The following KIF6 variants were observed in gnomAD, a reference collection of about 807,000 sequenced individuals.
KIF6 encodes kinesin-like protein KIF6.
KIF6 carries 106 observed loss-of-function variants against 112.7 expected under a neutral mutation model. That is an observed-to-expected ratio of 0.94 (90% CI 0.80 to 1.11). The LOEUF (loss-of-function observed/expected upper bound fraction) is 1.11, where lower values mean the gene tolerates loss of function less well. KIF6 is among the 50% of genes least tolerant of loss of function. The pLI is 0.00. For synonymous variants in KIF6, 339 were observed against 339.9 expected (o/e 1.00, Z 0.03); for missense variants, 929 against 964.0 (o/e 0.96, Z 0.48).
rs892516306 is a variant in KIF6, at chr6:39,415,566, T to C, written c.1810+4382A>G. On this transcript the variant is annotated intron_variant, in intron 15 of 22. Transcript: ENST00000287152. ...CTTGTAATTTGGAGCTGGCAACAAA[T>C]AGTAACAAAAGGATATACTTGATCC... 7.9e-5 allele frequency among the ~76,000 whole-genome samples: 12 copies of C among 152,192 alleles called. 1 individual carries two copies. The highest frequency in any genetic ancestry group is 6.3e-3 in the Middle Eastern group (2 of 316).
rs140473786 is a variant in KIF6 at position 39,388,436 on chromosome 6, G to T, written c.1811-2764C>A. Among the ~76,000 whole-genome samples the T allele has an allele frequency of 2.9e-3, 438 of 152,166 alleles. 2 individuals are homozygous for T. The highest frequency in any genetic ancestry group is 9.8e-3 in the African/African-American group (405 of 41,504). On this transcript the variant is annotated intron_variant, in intron 15 of 22. Coordinates refer to ENST00000287152, the MANE Select transcript of KIF6 (RefSeq NM_145027.6). The stretch of plus-strand genomic sequence containing the variant: ...AGGCACCACCAGGGAACAAAAGGTG[G>T]GTCTTTATAATGTTACATATTGATA...
At chr6:39,723,544 C>A (rs1256944631) in intron 1 of KIF6, among the ~76,000 whole-genome samples, 2 of 152,152 alleles carry the variant, frequency 1.3e-5, no homozygotes, top group African/African-American at 2.4e-5. Context: ...TATATATACA[C>A]CATGGAATAC....
chr6:39,544,633 G>C lies in KIF6; in HGVS notation c.1348C>G (p.Gln450Glu), dbSNP rs1323426233. ...NNTVSSESKD[Q>E]DCQEPLKEEE... The stretch of plus-strand genomic sequence containing the variant: ...TCTTTTAATGGTTCTTGACAATCTT[G>C]GTCTTTGCTTTCAGAGGAGACTGTA... The change falls in exon 12 of 23, where the codon CAA (glutamine) becomes GAA (glutamate). Residue 450 changes from glutamine (Q) to glutamate (E), a missense_variant. This residue lies in a region of KIF6 where 688 missense variants were observed against 662.7 expected (regional missense o/e 1.04). Transcript: ENST00000287152. 3.1e-6 allele frequency: 5 copies of C among 1,611,730 alleles called. 1 individual carries two copies. In the Admixed American group the frequency reaches 8.4e-5, roughly 27 times the overall value.
rs1772769759 is a variant in KIF6 at position 39,452,496 on chromosome 6, T to C, written c.1646-21335A>G. 2.0e-5 allele frequency among the ~76,000 whole-genome samples: 3 copies of C among 152,112 alleles called. No individual in the cohort carries two copies. In the South Asian group the frequency reaches 6.2e-4, roughly 31 times the overall value. ...TCTCTGGATATAAAGAATGCAAGAG[T>C]GGGTAAGCTGAAAGCCCCTCTGGCT... is the stretch of plus-strand genomic sequence containing the variant. On this transcript the variant is annotated intron_variant, in intron 13 of 22. Coordinates refer to ENST00000287152, the MANE Select transcript of KIF6 (RefSeq NM_145027.6).
chr6:39,460,619 G>A (rs1773418035), intron 13 of KIF6, among the ~76,000 whole-genome samples: 1 of 142,624 alleles, frequency 7.0e-6, no homozygotes, highest in South Asian at 2.3e-4. Context: ...CAATTACATT[G>A]ACAGTATACT....
chr6:39,652,713 T>C (rs993847502), intron 3 of KIF6, among the ~76,000 whole-genome samples: 2 of 152,202 alleles, frequency 1.3e-5, no homozygotes, highest in Admixed American at 6.5e-5. Flanking sequence ...CAATCTATTC[T>C]GAGACTTCTA....
intron 13 of KIF6, among the ~76,000 whole-genome samples, chr6:39,456,279 A>G (rs1773098332): frequency 9.0e-6 from 1 of 110,822 alleles, no homozygotes; most frequent in African/African-American, 3.6e-5. Flanking sequence ...AAAGCTTCAT[A>G]AGTGAAGGAG....
At chr6:39,393,468 A>C (rs1241711393) in intron 15 of KIF6, among the ~76,000 whole-genome samples, 1 of 152,232 alleles carries the variant, frequency 6.6e-6, no homozygotes, top group East Asian at 1.9e-4. Flanking sequence ...CCTGACATAT[A>C]ATAAAAACTG....
At chr6:39,634,996 A>C (rs1268602325) in intron 4 of KIF6, 38 bp from the exon 5 acceptor site, 3 of 1,122,270 alleles carry the variant, frequency 2.7e-6, no homozygotes, top group Middle Eastern at 2.0e-4. Context: ...TATCGGTTAT[A>C]ACAATGATTC....
At chr6:39,406,401 C>A (rs1769093259) in intron 15 of KIF6, among the ~76,000 whole-genome samples, 1 of 152,150 alleles carries the variant, frequency 6.6e-6, no homozygotes, top group Non-Finnish European at 1.5e-5. Context: ...TTGATCTTTT[C>A]AAAGAACCAG....
chr6:39,673,071 A>G (rs1053041386), intron 3 of KIF6, among the ~76,000 whole-genome samples: 1 of 152,188 alleles, frequency 6.6e-6, no homozygotes, highest in Non-Finnish European at 1.5e-5. Flanking sequence ...CCCTGTTGCT[A>G]TCACTGGCTG....
intron 7 of KIF6, among the ~76,000 whole-genome samples, chr6:39,588,458 C>A (rs917607612): frequency 6.6e-6 from 1 of 152,148 alleles, no homozygotes; most frequent in African/African-American, 2.4e-5. Flanking sequence ...CAGTGATCCA[C>A]CCGCCTCGGC....
intron 3 of KIF6, among the ~76,000 whole-genome samples, chr6:39,650,783 C>T (rs1785428262): frequency 1.3e-5 from 2 of 152,040 alleles, no homozygotes; most frequent in Middle Eastern, 3.4e-3. Context: ...GAACTGGTTA[C>T]TTTGGGTTTC....
chr6:39,590,447 A>ATTTT (rs1432756577), intron 7 of KIF6, among the ~76,000 whole-genome samples: 16 of 114,350 alleles, frequency 1.4e-4, no homozygotes, highest in African/African-American at 5.5e-4. Context: ...ATATATATAT[A>ATTTT]TATATTTTTT....
intron 14 of KIF6, among the ~76,000 whole-genome samples, chr6:39,421,831 T>C (rs150037141): frequency 6.6e-6 from 1 of 152,314 alleles, no homozygotes; most frequent in Non-Finnish European, 1.5e-5. Flanking sequence ...GACATTTACA[T>C]GATGCACAGG....
At chr6:39,360,730 C>A (rs182561126) in intron 17 of KIF6, among the ~76,000 whole-genome samples, 200 bp from the exon 18 acceptor site, 1 of 152,284 alleles carries the variant, frequency 6.6e-6, no homozygotes, top group Non-Finnish European at 1.5e-5. Flanking sequence ...CAGACGGAGA[C>A]ATTTTGGTCC....
chr6:39,429,680 T>C (rs375391046), intron 14 of KIF6, among the ~76,000 whole-genome samples: 18 of 152,212 alleles, frequency 1.2e-4, no homozygotes, highest in African/African-American at 2.9e-4. Context: ...GAGGCCAAGG[T>C]GGGCGGAACA....
At chr6:39,371,847 T>G (rs971937211) in intron 16 of KIF6, among the ~76,000 whole-genome samples, 1 of 152,018 alleles carries the variant, frequency 6.6e-6, no homozygotes, top group Non-Finnish European at 1.5e-5. Flanking sequence ...CAGAGACCCA[T>G]GAAACCACCC....
intron 6 of KIF6, among the ~76,000 whole-genome samples, chr6:39,612,292 A>C (rs1783257558): frequency 6.6e-6 from 1 of 152,206 alleles, no homozygotes; most frequent in Non-Finnish European, 1.5e-5. Context: ...TATCAGAGAC[A>C]AGGTAAAATA....
Sources: gnomAD v4.1 joint callset for allele counts (sites outside exome capture counted in the v4.1 genomes callset) on GRCh38, gnomAD v4.1.1 for gene constraint, gnomAD v4.1.1 regional missense constraint, MANE v1.5 for transcripts, NCBI Gene and HGNC (gene_info 2026-07-23, HGNC 2026-07-21) for gene names.